The following SYNJ2 variants were observed in gnomAD, a reference collection of about 807,000 sequenced individuals.
SYNJ2 encodes the protein synaptojanin 2.
Under a neutral mutation model 141.3 loss-of-function variants are expected in SYNJ2, and 116 were observed. The observed-to-expected ratio is 0.82, with a 90% CI of 0.71 to 0.96. The LOEUF (loss-of-function observed/expected upper bound fraction) is 0.96, where lower values mean the gene tolerates loss of function less well. Among genes scored for constraint, SYNJ2 ranks in the 40% least tolerant of loss-of-function variants. The pLI, the probability that SYNJ2 is intolerant of heterozygous loss-of-function variation, is 0.00. For missense variants in SYNJ2, 1,873 were observed against 1,934.8 expected, an observed-to-expected ratio of 0.97 and a Z score of 0.60; for synonymous variants, 745 against 777.7, an observed-to-expected ratio of 0.96 and a Z score of 0.70.
At chr6:158,036,525 A>T (rs1473085587) in intron 4 of SYNJ2, among the ~76,000 whole-genome samples, 1 of 152,208 alleles carries the variant, frequency 6.6e-6, no homozygotes, top group African/African-American at 2.4e-5. Context: ...GCAGAAAACC[A>T]AACACTGCAT....
rs758645436 is a variant in SYNJ2 at position 158,086,984 on chromosome 6, CT to C, written c.3339del (p.Pro1114GlnfsTer4). 8.0e-5 allele frequency: 122 copies of C among 1,533,840 alleles called. No individual in the cohort carries two copies. The highest frequency in any genetic ancestry group is 7.2e-4 in the South Asian group (65 of 89,822). ...CCTCAACCCCCGCAGAGACCCCCCCCTCCAAGTAAGACTCTGCTTGCTTTCA... is the reference window on the plus strand; with the variant it reads ...CCTCAACCCCCGCAGAGACCCCCCCCCCAAGTAAGACTCTGCTTGCTTTCA... The part of the protein sequence containing the change: ...RPPQPPQRPP[P>X]PTGLMVKKSA... On this transcript the variant is annotated frameshift_variant, in exon 23 of 27. Coordinates refer to ENST00000355585, the MANE Select transcript of SYNJ2 (RefSeq NM_003898.4). LOFTEE classifies it high-confidence loss of function.
chr6:158,072,452 G>A (rs1385201090), intron 15 of SYNJ2, among the ~76,000 whole-genome samples: 1 of 152,168 alleles, frequency 6.6e-6, no homozygotes, highest in African/African-American at 2.4e-5. Context: ...TCAGCGTGTG[G>A]TGCACACGAG....
chr6:158,087,693 G>T (rs1783147374), intron 23 of SYNJ2, among the ~76,000 whole-genome samples: 1 of 152,094 alleles, frequency 6.6e-6, no homozygotes, highest in Non-Finnish European at 1.5e-5. Flanking sequence ...CCAATGGCAA[G>T]CCACAAGCCC....
intron 2 of SYNJ2, among the ~76,000 whole-genome samples, chr6:158,018,520 G>T (rs1286696201): frequency 1.3e-5 from 2 of 152,180 alleles, no homozygotes; most frequent in Non-Finnish European, 2.9e-5. Flanking sequence ...AAAGCTGCCA[G>T]AAAAGCACGG....
intron 1 of SYNJ2, among the ~76,000 whole-genome samples, chr6:157,985,137 T>C (rs151081781): frequency 9.9e-4 from 151 of 152,310 alleles, no homozygotes; most frequent in African/African-American, 3.5e-3. Flanking sequence ...TTCCTTATCA[T>C]TTTCAGGCAA....
chr6:158,064,500 C>A, intron 9 of SYNJ2, 101 bp from the exon 10 acceptor site: 1 of 1,442,146 alleles, frequency 6.9e-7, no homozygotes, highest in Non-Finnish European at 9.5e-7. Flanking sequence ...CTTCCAGGCA[C>A]AGCGTAATCC....
chr6:158,043,232 C>A lies in SYNJ2; in HGVS notation c.712-84C>A. ...CTTCATTCTGGCTGGTGTCGGGTCACAGGTGGCCGGATCCCGTTACCCAGC... is the reference window on the plus strand; with the variant it reads ...CTTCATTCTGGCTGGTGTCGGGTCAAAGGTGGCCGGATCCCGTTACCCAGC... On this transcript the variant is annotated intron_variant, in intron 4 of 26. Transcript: ENST00000355585. This position sits in a 1 kb window ranked among gnomAD's most constrained non-coding sequence, Gnocchi z 4.0. The A allele has an allele frequency of 8.2e-7, 1 of 1,219,968 alleles. No homozygotes were observed. Among genetic ancestry groups the A allele is most frequent in the Non-Finnish European group, 1.2e-6 (1 of 837,336 alleles). 75.6% of individuals were successfully genotyped at this position (1,219,968 alleles called of 1,614,324 possible).
chr6:158,096,007 C>T lies in SYNJ2; in HGVS notation c.4134C>T (p.Phe1378=). The change falls in exon 27 of 27, where the codon TTC becomes TTT. Residue 1378 remains phenylalanine (F), a synonymous_variant. Transcript: ENST00000355585. ...SGHPPAAGTV[F]PQGDFLSTSS... Reference sequence around the variant, plus strand: ...ACCCACCTGCCGCGGGCACCGTCTTCCCACAAGGGGACTTTCTCAGCACTT... The same window carrying T: ...ACCCACCTGCCGCGGGCACCGTCTTTCCACAAGGGGACTTTCTCAGCACTT... 1.2e-6 allele frequency: 2 copies of T among 1,614,230 alleles called. No individual in the cohort carries two copies. Among genetic ancestry groups the T allele is most frequent in the Non-Finnish European group, 1.7e-6 (2 of 1,180,052 alleles).
intron 21 of SYNJ2, 142 bp downstream of exon 21, chr6:158,083,739 T>C (rs1041525889): frequency 3.5e-6 from 4 of 1,141,346 alleles, no homozygotes; most frequent in African/African-American, 3.1e-5. Context: ...GTGATGAGCA[T>C]GTTTGTATGT....
intron 5 of SYNJ2, among the ~76,000 whole-genome samples, chr6:158,050,069 G>A (rs1040829519): frequency 3.9e-5 from 6 of 152,170 alleles, no homozygotes; most frequent in Middle Eastern, 3.2e-3. Flanking sequence ...TACAGGTGTG[G>A]ATGCACCTCT....
chr6:158,089,813 C>T, intron 24 of SYNJ2, 26 bp from the exon 25 acceptor site: 1 of 1,580,738 alleles, frequency 6.3e-7, no homozygotes, highest in Admixed American at 1.7e-5. Flanking sequence ...TGCTGATACT[C>T]TGCTCTTCCT....
intron 1 of SYNJ2, among the ~76,000 whole-genome samples, chr6:158,005,705 C>G (rs1352565769): frequency 6.6e-6 from 1 of 152,114 alleles, no homozygotes; most frequent in Non-Finnish European, 1.5e-5. Flanking sequence ...GCTCTGTCCA[C>G]TCCCCCACCC....
In SYNJ2 at chr6:158,081,412, T is replaced by C; in HGVS notation, c.2787-20T>C. ...TGCCAGGTCGTTCTTGGCATTGACT[T>C]GGAGTATCATTTATTCCAGGATCAA... On this transcript the variant is annotated intron_variant, in intron 19 of 26. Coordinates refer to ENST00000355585, the MANE Select transcript of SYNJ2 (RefSeq NM_003898.4). 1 of 1,613,916 alleles carries C rather than the reference T, an allele frequency of 6.2e-7. No homozygotes were observed. Among genetic ancestry groups the C allele is most frequent in the Non-Finnish European group, 8.5e-7 (1 of 1,179,940 alleles).
At chr6:158,020,952 T>C (rs1219165746) in intron 2 of SYNJ2, among the ~76,000 whole-genome samples, 3 of 152,238 alleles carry the variant, frequency 2.0e-5, no homozygotes, top group Non-Finnish European at 4.4e-5. Context: ...AAGGTTTTTG[T>C]AGAAAGCCCA....
chr6:158,008,228 C>T (rs778975337), intron 1 of SYNJ2, among the ~76,000 whole-genome samples: 6 of 152,208 alleles, frequency 3.9e-5, no homozygotes, highest in Non-Finnish European at 5.9e-5. Context: ...TCCCCTTGGC[C>T]TCCCAAAGTG....
chr6:158,014,115 A>G (rs556073376), intron 1 of SYNJ2, among the ~76,000 whole-genome samples: 1 of 152,306 alleles, frequency 6.6e-6, no homozygotes, highest in South Asian at 2.1e-4. Flanking sequence ...TCAATAGTCT[A>G]TACATTTCAT....
At chr6:158,032,200 G>A (rs1391654706) in intron 3 of SYNJ2, among the ~76,000 whole-genome samples, 2 of 152,108 alleles carry the variant, frequency 1.3e-5, no homozygotes, top group South Asian at 2.1e-4. Context: ...CCCTGTGGGG[G>A]TGCATGTGGC....
chr6:158,055,456 A>C, intron 6 of SYNJ2, among the ~76,000 whole-genome samples: 1 of 151,950 alleles, frequency 6.6e-6, no homozygotes, highest in Non-Finnish European at 1.5e-5. Flanking sequence ...AGATTTTACT[A>C]TTAGTAGTTT....
At chr6:158,073,965 C>T (rs1427179450) in intron 15 of SYNJ2, among the ~76,000 whole-genome samples, 1 of 151,574 alleles carries the variant, frequency 6.6e-6, no homozygotes, top group African/African-American at 2.4e-5. Context: ...GAACAGAGCC[C>T]AGCCCTTGCG....
Sources: allele counts gnomAD v4.1 joint callset (sites outside exome capture counted in the v4.1 genomes callset), GRCh38; gene constraint gnomAD v4.1.1; non-coding constraint Gnocchi (gnomAD v3.1); transcripts MANE v1.5; gene names NCBI Gene and HGNC (gene_info 2026-07-23, HGNC 2026-07-21).